The following COG2 variants were observed in gnomAD, a reference collection of about 807,000 sequenced individuals.
The protein encoded by COG2 is component of oligomeric golgi complex 2.
COG2 carries 52 observed loss-of-function variants against 90.6 expected under a neutral mutation model. That is an observed-to-expected ratio of 0.57 (90% CI 0.46 to 0.72). The LOEUF (loss-of-function observed/expected upper bound fraction) is 0.72. Ranked by LOEUF, COG2 falls within the 30% of genes least tolerant of loss-of-function variation. The pLI is 0.00. For synonymous variants in COG2, 337 were observed against 320.4 expected, an observed-to-expected ratio of 1.05 and a Z score of -0.55; for missense variants, 829 against 891.2, an observed-to-expected ratio of 0.93 and a Z score of 0.89.
At chr1:230,663,114 A>C in intron 3 of COG2, 27 bp from the exon 4 acceptor site, 1 of 1,538,812 alleles carries the variant, frequency 6.5e-7, no homozygotes, top group Non-Finnish European at 8.8e-7. Context: ...CAATCTCTGC[A>C]GTACTTTTTT....
Position 230,693,292 on chromosome 1 carries a change from A to G in COG2, c.2116A>G (p.Ile706Val). 4 of 1,596,730 alleles carry G rather than the reference A, an allele frequency of 2.5e-6. No individual in the cohort carries two copies. The highest frequency in any genetic ancestry group is 2.6e-6 in the Non-Finnish European group (3 of 1,164,412). ...ALDVEYLGEQ[I>V]QKLGLQASDI... ...TAATTCATTCTCATGGCCTTTGCAGATACAAAAGTTGGGACTACAAGCAAG... is the reference window on the plus strand; with the variant it reads ...TAATTCATTCTCATGGCCTTTGCAGGTACAAAAGTTGGGACTACAAGCAAG... Residue 706 changes from isoleucine to valine, a missense_variant and splice_region_variant, in exon 18 of 18, where the codon ATA (isoleucine) becomes GTA (valine). Physicochemically the swap from Ile to Val is conservative, Grantham distance 29 (BLOSUM62 3). Transcript: ENST00000366669.
At chr1:230,642,734 C>T (rs1319583957) in intron 1 of COG2, 56 bp downstream of exon 1, 95 of 1,536,444 alleles carry the variant, frequency 6.2e-5, no homozygotes, top group South Asian at 9.5e-5. Flanking sequence ...CTGCCCTGTG[C>T]CCTCTGTGGC....
intron 8 of COG2, among the ~76,000 whole-genome samples, chr1:230,672,359 T>C (rs1662470301): frequency 6.6e-6 from 1 of 152,200 alleles, no homozygotes; most frequent in Non-Finnish European, 1.5e-5. Context: ...CTGTAGAAAC[T>C]TTCCCTCCAT....
At chr1:230,688,285 T>C in intron 14 of COG2, 135 bp from the exon 15 acceptor site, 1 of 1,291,618 alleles carries the variant, frequency 7.7e-7, no homozygotes, top group South Asian at 1.4e-5. Context: ...ATAACTTACC[T>C]AAATAAGATG....
At chr1:230,645,552 C>A (rs565992863) in intron 1 of COG2, among the ~76,000 whole-genome samples, 2 of 152,224 alleles carry the variant, frequency 1.3e-5, no homozygotes, top group South Asian at 2.1e-4. Context: ...GGTCCCCAAC[C>A]TTTTTGACAC....
Position 230,691,416 on chromosome 1 carries a change from CTG to C in COG2, c.1970_1971del (p.Val657GlufsTer43). On this transcript the variant is annotated frameshift_variant, in exon 17 of 18. Coordinates refer to ENST00000366669, the MANE Select transcript of COG2 (RefSeq NM_007357.3). LOFTEE classifies it high-confidence loss of function. The stretch of plus-strand genomic sequence containing the variant: ...GAAACCGTGTCAGATGTATTAAACT[CTG>C]TGAAGAAGATGGAAGAGAGCCTGAA... The C allele has an allele frequency of 1.2e-6, 2 of 1,614,020 alleles. No homozygotes were observed. The highest frequency in any genetic ancestry group is 1.7e-6 in the Non-Finnish European group (2 of 1,179,998).
rs576157823 is a variant in COG2, at chr1:230,642,529, G to A, written c.-78G>A. ...TGTGCCGTGGAAACTGGCGGTGGCC[G>A]CGGCCGCCGAGTCGGTCTGCGCAGC... On this transcript the variant is annotated 5_prime_UTR_variant, in exon 1 of 18. Coordinates refer to ENST00000366669, the MANE Select transcript of COG2 (RefSeq NM_007357.3). 72 of 1,448,104 alleles carry A rather than the reference G, an allele frequency of 5.0e-5. 1 individual carries two copies. The African/African-American group carries it at 9.3e-4, about 19-fold the overall frequency. 89.7% of individuals were successfully genotyped at this position (1,448,104 alleles called of 1,614,324 possible).
intron 17 of COG2, among the ~76,000 whole-genome samples, chr1:230,692,231 G>A (rs554611993): frequency 1.5e-4 from 22 of 151,688 alleles, no homozygotes; most frequent in African/African-American, 4.4e-4. Flanking sequence ...TTAAAGCGTC[G>A]CACATAGTAG....
intron 14 of COG2, 62 bp downstream of exon 14, chr1:230,688,205 G>A: frequency 7.6e-7 from 1 of 1,308,568 alleles, no homozygotes; most frequent in African/African-American, 1.5e-5. Context: ...TAAAATCTCA[G>A]AGACTGTAGG....
intron 1 of COG2, among the ~76,000 whole-genome samples, chr1:230,652,162 T>C (rs1299308196): frequency 6.7e-6 from 1 of 150,336 alleles, no homozygotes; most frequent in Non-Finnish European, 1.5e-5. Flanking sequence ...CCTTGTGCTC[T>C]GCCTGTCCAT....
rs1344720711 is a variant in COG2 at position 230,664,546 on chromosome 1, C to A, written c.444C>A (p.Asn148Lys). ...RSVEKIEKIL[N>K]SQSSKETSAL... ...TTGAGAAAATTGAAAAAATCTTAAACTCTCAAAGTTCTAAAGAAACCTCTG... is the reference window on the plus strand; with the variant it reads ...TTGAGAAAATTGAAAAAATCTTAAAATCTCAAAGTTCTAAAGAAACCTCTG... Residue 148 changes from asparagine to lysine, a missense_variant, in exon 5 of 18, where the codon AAC (asparagine) becomes AAA (lysine). By Grantham distance (94) the Asn-to-Lys change is moderately conservative. Transcript: ENST00000366669. The A allele has an allele frequency of 8.8e-6, 14 of 1,582,982 alleles. No individual in the cohort carries two copies. Among genetic ancestry groups the A allele is most frequent in the Non-Finnish European group, 1.2e-5 (14 of 1,161,790 alleles).
At chr1:230,642,931 T>TGC in intron 1 of COG2, 1 of 503,674 alleles carries the variant, frequency 2.0e-6, no homozygotes, top group Non-Finnish European at 3.5e-6. Flanking sequence ...GGTTTTGAGC[T>TGC]GCATGTCAAA....
At chr1:230,686,733 G>A (rs113284465) in intron 12 of COG2, among the ~76,000 whole-genome samples, 3,397 of 152,182 alleles carry the variant, frequency 0.022, 127 homozygotes, top group African/African-American at 0.077. Flanking sequence ...ACCTGGGGCC[G>A]TAGTTTGTCC....
chr1:230,666,843 G>A (rs997258302), intron 5 of COG2, among the ~76,000 whole-genome samples: 1 of 152,130 alleles, frequency 6.6e-6, no homozygotes, highest in Non-Finnish European at 1.5e-5. Flanking sequence ...GTTATAAAAC[G>A]ATATGGATTT....
At chr1:230,668,513 A>G (rs1170875486) in intron 5 of COG2, among the ~76,000 whole-genome samples, 163 bp from the exon 6 acceptor site, 1 of 152,200 alleles carries the variant, frequency 6.6e-6, no homozygotes, top group East Asian at 1.9e-4. Flanking sequence ...ATGGCACAAA[A>G]GACGCTTTAG....
chr1:230,686,927 T>G lies in COG2; in HGVS notation c.1381-8T>G. 1 of 1,495,958 alleles carries G rather than the reference T, an allele frequency of 6.7e-7. No homozygotes were observed. The highest frequency in any genetic ancestry group is 9.0e-7 in the Non-Finnish European group (1 of 1,114,226). 92.7% of individuals were successfully genotyped at this position (1,495,958 alleles called of 1,614,324 possible). Reference sequence around the variant, plus strand: ...TGAAAGTAGTTAATCAGTGAAATCCTTTTTCAGCTTTCACTCAGGCCCATT... The same window carrying G: ...TGAAAGTAGTTAATCAGTGAAATCCGTTTTCAGCTTTCACTCAGGCCCATT... On this transcript the variant is annotated splice_polypyrimidine_tract_variant and splice_region_variant and intron_variant, in intron 12 of 17. Transcript: ENST00000366669.
intron 3 of COG2, among the ~76,000 whole-genome samples, chr1:230,661,969 C>G (rs1662189603): frequency 6.6e-6 from 1 of 152,044 alleles, no homozygotes; most frequent in African/African-American, 2.4e-5. Flanking sequence ...CTCTTCCTAC[C>G]CCCACCCTTG....
intron 5 of COG2, among the ~76,000 whole-genome samples, chr1:230,668,173 A>G (rs1359687426): frequency 6.6e-6 from 1 of 152,100 alleles, no homozygotes; most frequent in East Asian, 1.9e-4. Context: ...GTATTTTAGC[A>G]AGGAGAGTGA....
intron 5 of COG2, among the ~76,000 whole-genome samples, chr1:230,666,291 G>A (rs1477494366): frequency 6.6e-6 from 1 of 152,078 alleles, no homozygotes; most frequent in Non-Finnish European, 1.5e-5. Flanking sequence ...TCTTGGGGGA[G>A]TCATTTTCTC....
Sources: gnomAD v4.1 joint callset for allele counts (sites outside exome capture counted in the v4.1 genomes callset) on GRCh38, gnomAD v4.1.1 for gene constraint, MANE v1.5 for transcripts, NCBI Gene and HGNC (gene_info 2026-07-23, HGNC 2026-07-21) for gene names.